The following NCAM2 variants were observed in gnomAD, a reference collection of about 807,000 sequenced individuals.
The protein encoded by NCAM2 is neural cell adhesion molecule 2.
A neutral mutation model predicts 98.1 loss-of-function variants in NCAM2; 30 were observed. The ratio of observed to expected loss-of-function variants is 0.31; its 90% confidence interval spans 0.23 to 0.41. The LOEUF (loss-of-function observed/expected upper bound fraction) is 0.41. NCAM2 is among the 10% of genes least tolerant of loss of function. The pLI is 1.00. For missense variants in NCAM2, 867 were observed against 1,005.8 expected, an observed-to-expected ratio of 0.86 and a Z score of 1.87; for synonymous variants, 368 against 342.4, an observed-to-expected ratio of 1.07 and a Z score of -0.83.
At chr21:21,167,518 G>GA (rs1298927560) in intron 1 of NCAM2, among the ~76,000 whole-genome samples, 4 of 151,964 alleles carry the variant, frequency 2.6e-5, no homozygotes, top group African/African-American at 9.7e-5. Context: ...AATCAAGAGA[G>GA]AAAAATCAAT....
At position 21,112,420 on chromosome 21, in the gene NCAM2, G is replaced by T. The variant is rs532344695; in HGVS notation, c.55+113802G>T. On this transcript the variant is annotated intron_variant, in intron 1 of 17. Transcript: ENST00000400546. ...TGGCCTATCCTTCTCATTTTTTCCCGCTTGCTTGCCTGTTTCTATTACAAC... is the reference window on the plus strand; with the variant it reads ...TGGCCTATCCTTCTCATTTTTTCCCTCTTGCTTGCCTGTTTCTATTACAAC... Among the ~76,000 whole-genome samples, 13 of 152,064 alleles carry T rather than the reference G, an allele frequency of 8.5e-5. No individual in the cohort carries two copies. In the East Asian group the frequency reaches 9.7e-4, roughly 11 times the overall value.
At chr21:21,113,314 A>G (rs542072388) in intron 1 of NCAM2, among the ~76,000 whole-genome samples, 10 of 152,252 alleles carry the variant, frequency 6.6e-5, no homozygotes, top group Non-Finnish European at 1.3e-4. Flanking sequence ...TTTATTCTTC[A>G]CTGTCACACA....
chr21:21,051,962 CTTTT>C (rs2065117645), intron 1 of NCAM2, among the ~76,000 whole-genome samples: 1 of 152,042 alleles, frequency 6.6e-6, no homozygotes, highest in Non-Finnish European at 1.5e-5. Context: ...AACAGAATTC[CTTTT>C]TTTATTCAAC....
At position 21,007,559 on chromosome 21, in the gene NCAM2, A is replaced by G. The variant is rs143865929; in HGVS notation, c.55+8941A>G. ...GGGAAAGGGGTGGGCAATTCCTGAA[A>G]CTGAAGGTGCCTCTCCTTTTTAGAT... is the stretch of plus-strand genomic sequence containing the variant. On this transcript the variant is annotated intron_variant, in intron 1 of 17. Transcript: ENST00000400546. Among the ~76,000 whole-genome samples, 362 of 152,184 alleles carry G rather than the reference A, an allele frequency of 2.4e-3. 12 individuals carry two copies. The East Asian group carries it at 0.056, about 23-fold the overall frequency.
Position 21,250,754 on chromosome 21 carries a change from G to T in NCAM2, c.56-29824G>T, listed in dbSNP as rs1325489616. Among the ~76,000 whole-genome samples the T allele has an allele frequency of 1.3e-5, 2 of 152,202 alleles. 1 individual carries two copies. Among genetic ancestry groups the T allele is most frequent in the South Asian group, 4.1e-4 (2 of 4,828 alleles). On this transcript the variant is annotated intron_variant, in intron 1 of 17. Coordinates refer to ENST00000400546, the MANE Select transcript of NCAM2 (RefSeq NM_004540.5). ...TAATCTATGACAGAAAATTTCAACT[G>T]CAAACTTTCACTTCATTATGAATAT...
intron 9 of NCAM2, among the ~76,000 whole-genome samples, chr21:21,376,772 T>C (rs2076041744): frequency 6.6e-6 from 1 of 151,818 alleles, no homozygotes; most frequent in African/African-American, 2.4e-5. Flanking sequence ...GGTTTATGTT[T>C]CTGCTTAATT....
At chr21:21,177,545 T>G (rs926150502) in intron 1 of NCAM2, among the ~76,000 whole-genome samples, 3 of 152,078 alleles carry the variant, frequency 2.0e-5, no homozygotes, top group African/African-American at 7.2e-5. Flanking sequence ...TATTGCATAG[T>G]CATCTATGAA....
chr21:21,371,818 G>A (rs934565517), intron 8 of NCAM2, among the ~76,000 whole-genome samples: 11 of 151,654 alleles, frequency 7.3e-5, no homozygotes, highest in African/African-American at 2.7e-4. Flanking sequence ...AGTTTGCTCA[G>A]CACTGCATCG....
At chr21:21,506,973 T>G (rs1290983996) in intron 15 of NCAM2, among the ~76,000 whole-genome samples, 1 of 152,144 alleles carries the variant, frequency 6.6e-6, no homozygotes, top group African/African-American at 2.4e-5. Context: ...TGTAGAAGTA[T>G]ATTTGCAAGT....
At chr21:21,226,290 T>C (rs558245217) in intron 1 of NCAM2, among the ~76,000 whole-genome samples, 2 of 152,064 alleles carry the variant, frequency 1.3e-5, no homozygotes, top group East Asian at 3.9e-4. Context: ...CCTGCACATA[T>C]ACCCCCAAAT....
intron 3 of NCAM2, among the ~76,000 whole-genome samples, chr21:21,285,368 C>G (rs947946521): frequency 6.6e-6 from 1 of 151,766 alleles, no homozygotes; most frequent in Non-Finnish European, 1.5e-5. Flanking sequence ...ATGACCAACG[C>G]AATTTGTGGG....
chr21:21,486,926 C>G (rs1341396521), intron 15 of NCAM2, among the ~76,000 whole-genome samples: 1 of 151,956 alleles, frequency 6.6e-6, no homozygotes, highest in East Asian at 1.9e-4. Flanking sequence ...TAGTTTTAGT[C>G]CTAAACTTTA....
chr21:21,033,235 C>CA (rs2064726495), intron 1 of NCAM2, among the ~76,000 whole-genome samples: 1 of 152,178 alleles, frequency 6.6e-6, no homozygotes, highest in African/African-American at 2.4e-5. Context: ...AGGCATGAGC[C>CA]ACTGCACCTG....
chr21:21,310,649 A>G (rs1006623111), intron 5 of NCAM2, among the ~76,000 whole-genome samples: 8 of 152,192 alleles, frequency 5.3e-5, no homozygotes, highest in Non-Finnish European at 1.0e-4. Context: ...TTTAACTATC[A>G]ATATGATTTT....
chr21:21,026,585 C>A (rs8133425), intron 1 of NCAM2, among the ~76,000 whole-genome samples: 151,695 of 151,696 alleles, frequency 1, 75,847 homozygotes, highest in Middle Eastern at 1. Flanking sequence ...AGATGGCACC[C>A]CTGCACTCCA....
intron 12 of NCAM2, among the ~76,000 whole-genome samples, chr21:21,450,302 TTGTGTG>T (rs144156360): frequency 6.7e-6 from 1 of 148,172 alleles, no homozygotes; most frequent in East Asian, 1.9e-4. Flanking sequence ...GTGTGTGTGT[TTGTGTG>T]TGTGTGTGTG....
intron 8 of NCAM2, among the ~76,000 whole-genome samples, chr21:21,340,521 T>G (rs534531028): frequency 4.6e-5 from 7 of 151,990 alleles, no homozygotes; most frequent in Admixed American, 4.6e-4. Flanking sequence ...ACACATCTTG[T>G]TTTAAGAAAA....
At chr21:21,212,821 C>T (rs566256562) in intron 1 of NCAM2, among the ~76,000 whole-genome samples, 16 of 147,942 alleles carry the variant, frequency 1.1e-4, no homozygotes, top group African/African-American at 2.2e-4. Context: ...TGGCTCACTG[C>T]GAGCACCGCC....
At chr21:21,220,323 T>C (rs2070093156) in intron 1 of NCAM2, among the ~76,000 whole-genome samples, 1 of 152,212 alleles carries the variant, frequency 6.6e-6, no homozygotes, top group Non-Finnish European at 1.5e-5. Flanking sequence ...ATTTTTGTAC[T>C]GTGTTTTACT....
Sources: gnomAD v4.1 joint callset for allele counts (sites outside exome capture counted in the v4.1 genomes callset) on GRCh38, gnomAD v4.1.1 for gene constraint, MANE v1.5 for transcripts, NCBI Gene and HGNC (gene_info 2026-07-23, HGNC 2026-07-21) for gene names.